Variants in RAB28 observed in about 807,000 individuals in gnomAD.
The protein encoded by RAB28 is RAB28, member RAS oncogene family.
Under a neutral mutation model 31.7 loss-of-function variants are expected in RAB28, and 24 were observed. That is an observed-to-expected ratio of 0.76 (90% CI 0.55 to 1.06). The LOEUF (loss-of-function observed/expected upper bound fraction) is 1.06. RAB28 is among the 50% of genes least tolerant of loss of function. The probability of loss-of-function intolerance (pLI) is 0.00; values close to 1 mark genes in which losing one functional copy is unlikely to be tolerated. For missense variants in RAB28, 254 were observed against 258.5 expected (o/e 0.98, Z 0.12); for synonymous variants, 100 against 90.4 (o/e 1.11, Z -0.60).
At chr4:13,396,837 C>T (rs16888634) in intron 4 of RAB28, among the ~76,000 whole-genome samples, 3,005 of 152,104 alleles carry the variant, frequency 0.02, 104 homozygotes, top group African/African-American at 0.068. Context: ...CAAACATTCA[C>T]CTTAGGTTGG....
chr4:13,406,360 C>T (rs149670660), intron 4 of RAB28, among the ~76,000 whole-genome samples: 1,760 of 152,230 alleles, frequency 0.012, 13 homozygotes, highest in Non-Finnish European at 0.018. Context: ...CATAGTATTC[C>T]ATGGTGTATA....
intron 6 of RAB28, chr4:13,370,811 A>G (rs1329988991): frequency 1.3e-5 from 13 of 973,506 alleles, no homozygotes; most frequent in Non-Finnish European, 1.6e-5. Flanking sequence ...TTTAAGTACA[A>G]TAACTGTTGC....
At position 13,390,400 on chromosome 4, in the gene RAB28, T is replaced by C. The variant is rs142815238; in HGVS notation, c.392-8806A>G. Among the ~76,000 whole-genome samples the C allele has an allele frequency of 2.5e-3, 380 of 152,050 alleles. 1 individual carries two copies. Among genetic ancestry groups the C allele is most frequent in the African/African-American group, 8.5e-3 (351 of 41,476 alleles). On this transcript the variant is annotated intron_variant, in intron 4 of 6. Transcript: ENST00000330852. ...TTCAAGGAGAACTACAAACCACTGC[T>C]CAAGGAAATAAAAGAGGACACAAAC... is the stretch of plus-strand genomic sequence containing the variant.
Position 13,484,254 on chromosome 4 carries a change from C to T in RAB28, c.-104G>A. On this transcript the variant is annotated 5_prime_UTR_variant, in exon 1 of 7. Coordinates refer to ENST00000330852, the MANE Select transcript of RAB28 (RefSeq NM_001017979.3). ...GGAAGGGAGGTAGTTGCGGCAGGAC[C>T]CCCGCCCCGGTGTCTCCGCGCCGGC... 5.7e-6 allele frequency: 5 copies of T among 881,170 alleles called. No homozygotes were observed. The highest frequency in any genetic ancestry group is 7.3e-6 in the Non-Finnish European group (4 of 544,860). The allele number at this position is 881,170 out of a possible 1,614,324, so 54.6% of individuals were successfully genotyped here. A position where few individuals can be genotyped will look rare whatever the true frequency, so the allele number is the denominator to read the frequency against.
At chr4:13,436,148 A>C (rs1423735428) in intron 4 of RAB28, among the ~76,000 whole-genome samples, 5 of 152,216 alleles carry the variant, frequency 3.3e-5, no homozygotes, top group Admixed American at 3.3e-4. Context: ...ATTCAATAAA[A>C]TGCAACATCC....
In RAB28 at chr4:13,378,325, A is replaced by G. The variant is rs78917668; in HGVS notation, c.496-1703T>C. On this transcript the variant is annotated intron_variant, in intron 5 of 6. Coordinates refer to ENST00000330852, the MANE Select transcript of RAB28 (RefSeq NM_001017979.3). Reference sequence around the variant, plus strand: ...ATTATTTATGTTGCTACTTAATAAAATAAGATGAGGGCTGAGTACTGACCA... The same window carrying G: ...ATTATTTATGTTGCTACTTAATAAAGTAAGATGAGGGCTGAGTACTGACCA... Among the ~76,000 whole-genome samples, 1,121 of 152,300 alleles carry G rather than the reference A, an allele frequency of 7.4e-3. 19 individuals are homozygous for G. The highest frequency in any genetic ancestry group is 0.025 in the African/African-American group (1,036 of 41,564).
chr4:13,458,299 G>T (rs1715411304), intron 4 of RAB28, among the ~76,000 whole-genome samples: 1 of 151,238 alleles, frequency 6.6e-6, no homozygotes, highest in African/African-American at 2.4e-5. Flanking sequence ...GTGTCATCAT[G>T]GTTTTAAATT....
chr4:13,401,998 C>T (rs953283458), intron 4 of RAB28, among the ~76,000 whole-genome samples: 1 of 152,146 alleles, frequency 6.6e-6, no homozygotes, highest in Admixed American at 6.5e-5. Flanking sequence ...AATGTATTTC[C>T]TCTTTGGCCC....
intron 1 of RAB28, among the ~76,000 whole-genome samples, chr4:13,481,259 C>G (rs1371481502): frequency 6.6e-6 from 1 of 151,954 alleles, no homozygotes; most frequent in African/African-American, 2.4e-5. Flanking sequence ...CGAGTGTAAA[C>G]TGTCAAAAAT....
At chr4:13,422,986 A>G (rs1187505912) in intron 4 of RAB28, among the ~76,000 whole-genome samples, 1 of 152,212 alleles carries the variant, frequency 6.6e-6, no homozygotes, top group Non-Finnish European at 1.5e-5. Context: ...CCTCAAAAAA[A>G]AAATTAAACT....
At chr4:13,456,917 CA>C (rs887701422) in intron 4 of RAB28, among the ~76,000 whole-genome samples, 6 of 152,064 alleles carry the variant, frequency 3.9e-5, no homozygotes, top group African/African-American at 1.4e-4. Context: ...ATCCTCAGCC[CA>C]AATTTCTGAA....
chr4:13,463,197 T>C (rs1234658196), intron 3 of RAB28, among the ~76,000 whole-genome samples: 1 of 152,206 alleles, frequency 6.6e-6, no homozygotes, highest in African/African-American at 2.4e-5. Context: ...CCTAGGCCTA[T>C]GCCTCTTAAG....
intron 2 of RAB28, among the ~76,000 whole-genome samples, chr4:13,479,183 C>T (rs1716495814): frequency 6.6e-6 from 1 of 151,570 alleles, no homozygotes; most frequent in African/African-American, 2.4e-5. Context: ...CATTGTTTAT[C>T]CTCAAAAAAT....
intron 4 of RAB28, among the ~76,000 whole-genome samples, chr4:13,390,840 C>T (rs1188849659): frequency 6.6e-6 from 1 of 152,154 alleles, no homozygotes; most frequent in Non-Finnish European, 1.5e-5. Flanking sequence ...GCTGGGAAAA[C>T]TGGCTAGCCA....
intron 4 of RAB28, among the ~76,000 whole-genome samples, chr4:13,425,011 T>C (rs893125987): frequency 6.6e-6 from 1 of 152,250 alleles, no homozygotes; most frequent in African/African-American, 2.4e-5. Context: ...GATTCTAATC[T>C]GGCTTTTATT....
At chr4:13,438,336 C>T (rs1036297016) in intron 4 of RAB28, among the ~76,000 whole-genome samples, 10 of 152,122 alleles carry the variant, frequency 6.6e-5, no homozygotes, top group African/African-American at 2.4e-4. Context: ...TTAGCATATT[C>T]ACTAGGTTGT....
intron 5 of RAB28, among the ~76,000 whole-genome samples, chr4:13,379,078 G>A (rs1729030028): frequency 6.6e-6 from 1 of 151,194 alleles, no homozygotes. Context: ...GTGGTGGTGG[G>A]TGCCTGTAAT....
At chr4:13,428,702 T>G (rs1322118209) in intron 4 of RAB28, among the ~76,000 whole-genome samples, 2 of 151,906 alleles carry the variant, frequency 1.3e-5, no homozygotes, top group Non-Finnish European at 2.9e-5. Flanking sequence ...TCCTCTCCAG[T>G]AGAGGAAAGA....
intron 2 of RAB28, among the ~76,000 whole-genome samples, chr4:13,476,403 A>C (rs1355167246): frequency 6.6e-6 from 1 of 151,522 alleles, no homozygotes; most frequent in Non-Finnish European, 1.5e-5. Context: ...CCAGTGACTC[A>C]GAAATAAAAA....
Sources: allele counts gnomAD v4.1 joint callset (sites outside exome capture counted in the v4.1 genomes callset), GRCh38; gene constraint gnomAD v4.1.1; transcripts MANE v1.5; gene names NCBI Gene and HGNC (gene_info 2026-07-23, HGNC 2026-07-21).